Variants in SLC24A2 observed in about 807,000 individuals in gnomAD.
SLC24A2 encodes solute carrier family 24 member 2.
A neutral mutation model predicts 62.0 loss-of-function variants in SLC24A2; 36 were observed. The observed-to-expected ratio is 0.58, with a 90% CI of 0.44 to 0.77. The LOEUF (loss-of-function observed/expected upper bound fraction) is 0.77, where lower values mean the gene tolerates loss of function less well. SLC24A2 is among the 30% of genes least tolerant of loss of function. The pLI, the probability that SLC24A2 is intolerant of heterozygous loss-of-function variation, is 0.00. For synonymous variants in SLC24A2, 358 were observed against 294.0 expected (o/e 1.22, Z -2.23); for missense variants, 846 against 817.9 (o/e 1.03, Z -0.42).
chr9:20,007,526 T>C, the SLC24A2 span, among the ~76,000 whole-genome samples: 2 of 152,270 alleles, frequency 1.3e-5, no homozygotes, highest in African/African-American at 4.8e-5. Context: ...TATATGTATA[T>C]AAATTCATAT....
chr9:20,261,742 T>TTTTTTTC, the SLC24A2 span, among the ~76,000 whole-genome samples: 1 of 131,592 alleles, frequency 7.6e-6, no homozygotes, highest in South Asian at 2.9e-4. Context: ...TCTTTTTTTT[T>TTTTTTTC]TTTTTTTTTT....
At chr9:20,167,115 A>G in the SLC24A2 span, among the ~76,000 whole-genome samples, 1 of 151,978 alleles carries the variant, frequency 6.6e-6, no homozygotes, top group Admixed American at 6.6e-5. Context: ...GCACCCTGCA[A>G]TCCTACTGTA....
At chr9:20,124,154 A>AC in the SLC24A2 span, among the ~76,000 whole-genome samples, 4 of 152,170 alleles carry the variant, frequency 2.6e-5, no homozygotes, top group African/African-American at 9.7e-5. Context: ...CCTTCTCAAT[A>AC]CATCTCCTGA....
At chr9:20,294,058 G>A in the SLC24A2 span, among the ~76,000 whole-genome samples, 33 of 152,050 alleles carry the variant, frequency 2.2e-4, no homozygotes, top group African/African-American at 6.0e-4. Flanking sequence ...CCTCCACTGC[G>A]CCATCTTTTC....
the SLC24A2 span, among the ~76,000 whole-genome samples, chr9:20,130,512 GA>G: frequency 7.9e-5 from 12 of 152,076 alleles, 1 homozygote; most frequent in Middle Eastern, 6.8e-3. Context: ...CCTAAGGCAG[GA>G]AAGGCTTTGG....
chr9:19,826,385 A>C, the SLC24A2 span, among the ~76,000 whole-genome samples: 1 of 152,158 alleles, frequency 6.6e-6, no homozygotes. Context: ...ATTCAGCAAG[A>C]TCTTCTGGGA....
the SLC24A2 span, among the ~76,000 whole-genome samples, chr9:20,288,323 A>G: frequency 6.6e-6 from 1 of 151,864 alleles, no homozygotes; most frequent in African/African-American, 2.4e-5. Flanking sequence ...CTCATTCCTC[A>G]TGTTCTTCTT....
the SLC24A2 span, among the ~76,000 whole-genome samples, chr9:20,009,077 G>C: frequency 6.6e-6 from 1 of 152,132 alleles, no homozygotes; most frequent in Non-Finnish European, 1.5e-5. Flanking sequence ...CTAGCATAGT[G>C]CCATGCACAA....
chr9:20,016,039 A>G, the SLC24A2 span, among the ~76,000 whole-genome samples: 1 of 152,250 alleles, frequency 6.6e-6, no homozygotes, highest in Non-Finnish European at 1.5e-5. Context: ...TAAAGTGTAC[A>G]TCACAATTTT....
At chr9:19,995,585 A>G in the SLC24A2 span, among the ~76,000 whole-genome samples, 1 of 152,198 alleles carries the variant, frequency 6.6e-6, no homozygotes, top group Non-Finnish European at 1.5e-5. Flanking sequence ...ATCATAACTA[A>G]TGTTCATTTA....
chr9:19,875,102 C>G, the SLC24A2 span, among the ~76,000 whole-genome samples: 1 of 150,844 alleles, frequency 6.6e-6, no homozygotes, highest in Non-Finnish European at 1.5e-5. Flanking sequence ...AAAGTTTACT[C>G]TTGCCTATGG....
In SLC24A2 at chr9:19,636,305, TTTTCTTTTCTTTTCTTTCTTTC is replaced by T. The variant is rs1372727973; in HGVS notation, c.931-14028_931-14007del. ...TCTTCTCTTCTTTTCTTTTCTTTTCTTTTCTTTTCTTTTCTTTCTTTCTTTCTTTCTTTCTTTCTTTCTTTCT... is the reference window on the plus strand; with the variant it reads ...TCTTCTCTTCTTTTCTTTTCTTTTCTTTTCTTTCTTTCTTTCTTTCTTTCT... On this transcript the variant is annotated intron_variant, in intron 2 of 10. Coordinates refer to ENST00000341998, the MANE Select transcript of SLC24A2 (RefSeq NM_020344.4). Among the ~76,000 whole-genome samples the T allele has an allele frequency of 2.4e-3, 107 of 44,744 alleles. 3 individuals are homozygous for T. The highest frequency in any genetic ancestry group is 8.6e-3 in the African/African-American group (100 of 11,594). The allele number at this position is 44,744 out of a possible 152,430, so 29.4% of individuals were successfully genotyped here.
chr9:19,546,485 G>A lies in SLC24A2; in HGVS notation c.1479+3652C>T, dbSNP rs538265849. Among the ~76,000 whole-genome samples, 43 of 152,274 alleles carry A rather than the reference G, an allele frequency of 2.8e-4. 1 individual carries two copies. The South Asian group carries it at 8.5e-3, about 30-fold the overall frequency. On this transcript the variant is annotated intron_variant, in intron 8 of 10. Coordinates refer to ENST00000341998, the MANE Select transcript of SLC24A2 (RefSeq NM_020344.4). ...ACTTCCCGGTGGCTTTGTTTACACT[G>A]TCAGGGTAAAACTGCCTACTTAAGC... is the stretch of plus-strand genomic sequence containing the variant.
At chr9:20,229,417 G>A in the SLC24A2 span, among the ~76,000 whole-genome samples, 1 of 152,134 alleles carries the variant, frequency 6.6e-6, no homozygotes, top group Non-Finnish European at 1.5e-5. Flanking sequence ...ACAGTGCCTG[G>A]TCTGTGTTAA....
At chr9:19,989,461 T>C in the SLC24A2 span, among the ~76,000 whole-genome samples, 2 of 152,234 alleles carry the variant, frequency 1.3e-5, no homozygotes, top group African/African-American at 2.4e-5. Context: ...TCATAAAGAA[T>C]GTCAGTTATG....
At chr9:19,793,853 G>A (rs1408563801), upstream of SLC24A2, among the ~76,000 whole-genome samples, 1 of 152,100 alleles carries the variant, frequency 6.6e-6, no homozygotes, top group Non-Finnish European at 1.5e-5. Flanking sequence ...CAACAATCAA[G>A]GATAGTTGTC....
intron 5 of SLC24A2, among the ~76,000 whole-genome samples, chr9:19,579,328 G>A (rs970512396): frequency 3.3e-5 from 5 of 152,212 alleles, no homozygotes; most frequent in Admixed American, 2.0e-4. Flanking sequence ...TTTCCTGGCT[G>A]CCAAACCTAG....
At chr9:19,526,994 T>C (rs183105049) in intron 9 of SLC24A2, among the ~76,000 whole-genome samples, 79 of 152,304 alleles carry the variant, frequency 5.2e-4, no homozygotes, top group Admixed American at 1.4e-3. Context: ...TTTCAAACTA[T>C]GATGTGCTTT....
chr9:19,646,089 G>A (rs941143066), intron 2 of SLC24A2, among the ~76,000 whole-genome samples: 1 of 152,176 alleles, frequency 6.6e-6, no homozygotes, highest in Non-Finnish European at 1.5e-5. Context: ...TGGAAATGAT[G>A]TACAGCTGTA....
Sources: allele counts gnomAD v4.1 joint callset (sites outside exome capture counted in the v4.1 genomes callset), GRCh38; gene constraint gnomAD v4.1.1; transcripts MANE v1.5; gene names NCBI Gene and HGNC (gene_info 2026-07-23, HGNC 2026-07-21).